The following VPS13A variants were observed in gnomAD, a reference collection of about 807,000 sequenced individuals.
The protein encoded by VPS13A is vacuolar protein sorting 13 homolog A.
In VPS13A, 264 loss-of-function variants were observed where a neutral mutation model predicts 390.9. That is an observed-to-expected ratio of 0.68 (90% CI 0.61 to 0.75). VPS13A has a LOEUF of 0.75. Ranked by LOEUF, VPS13A falls within the 30% of genes least tolerant of loss-of-function variation. VPS13A has a pLI of 0.00. For missense variants in VPS13A, 3,409 were observed against 3,733.9 expected (o/e 0.91, Z 2.27); for synonymous variants, 1,231 against 1,227.1 (o/e 1.00, Z -0.07).
chr9:77,212,662 G>T (rs2131151391), intron 7 of VPS13A, among the ~76,000 whole-genome samples: 1 of 152,236 alleles, frequency 6.6e-6, no homozygotes, highest in East Asian at 1.9e-4. Flanking sequence ...ATAGCTCCTA[G>T]AACATTCTTT....
chr9:77,415,273 G>C (rs1835127466), intron 71 of VPS13A, among the ~76,000 whole-genome samples: 1 of 152,124 alleles, frequency 6.6e-6, no homozygotes, highest in African/African-American at 2.4e-5. Context: ...TGCTTGGCCA[G>C]GAACATCCAG....
intron 46 of VPS13A, among the ~76,000 whole-genome samples, chr9:77,336,598 ATTCT>A (rs1830549068): frequency 6.6e-6 from 1 of 151,626 alleles, no homozygotes; most frequent in South Asian, 2.1e-4. Flanking sequence ...GAAAAGCCAA[ATTCT>A]TTCAGTTATA....
intron 61 of VPS13A, among the ~76,000 whole-genome samples, chr9:77,367,679 C>G (rs1043608651): frequency 6.6e-6 from 1 of 152,274 alleles, no homozygotes; most frequent in South Asian, 2.1e-4. Flanking sequence ...CCTGGCCATT[C>G]GTGAGCAACC....
rs772298567 is a variant in VPS13A at position 77,337,331 on chromosome 9, A to C, written c.6172A>C (p.Asn2058His). 2.5e-6 allele frequency: 4 copies of C among 1,612,972 alleles called. No individual in the cohort carries two copies. Among genetic ancestry groups the C allele is most frequent in the East Asian group, 2.2e-5 (1 of 44,758 alleles). Reference sequence around the variant, plus strand: ...AATTGACTTTGAAGAGATTATAAAAAATGATGGTGCTCTTCTAAAGAAGAA... The same window carrying C: ...AATTGACTTTGAAGAGATTATAAAACATGATGGTGCTCTTCTAAAGAAGAA... ...EGIDFEEIIK[N>H]DGALLKKKCR... is the part of the protein sequence containing the mutation. The change falls in exon 47 of 72, where the codon AAT becomes CAT. Residue 2058 changes from asparagine to histidine, a missense_variant. Asn to His is a moderately conservative substitution (Grantham distance 68). This residue lies in a region of VPS13A where 2,717 missense variants were observed against 2,917.4 expected (regional missense o/e 0.93). Coordinates refer to ENST00000360280, the MANE Select transcript of VPS13A (RefSeq NM_033305.3).
In VPS13A at chr9:77,177,713, C is replaced by T. The variant is rs1823718940; in HGVS notation, c.9C>T (p.Phe3=). The change falls in exon 1 of 72, where the codon TTC becomes TTT. Residue 3 remains phenylalanine, a synonymous_variant. Transcript: ENST00000360280. ...CACCACGGCTGAGGAACATGGTTTT[C>T]GAGTCGGTGGTCGTGGACGTGTTGA... MV[F]ESVVVDVLNR... is the part of the protein sequence containing the mutation. 22 of 1,613,312 alleles carry T rather than the reference C, an allele frequency of 1.4e-5. No homozygotes were observed. Among genetic ancestry groups the T allele is most frequent in the Non-Finnish European group, 1.8e-5 (21 of 1,179,614 alleles).
chr9:77,301,338 A>C (rs1433667402), intron 33 of VPS13A, among the ~76,000 whole-genome samples: 2 of 152,188 alleles, frequency 1.3e-5, no homozygotes, highest in African/African-American at 4.8e-5. Context: ...ATCCTAGCCT[A>C]ACTGAAAAAA....
At chr9:77,348,193 A>G (rs1831258128) in intron 52 of VPS13A, among the ~76,000 whole-genome samples, 1 of 152,192 alleles carries the variant, frequency 6.6e-6, no homozygotes, top group Non-Finnish European at 1.5e-5. Flanking sequence ...CCGCAGCACT[A>G]TTCACAATAG....
intron 22 of VPS13A, among the ~76,000 whole-genome samples, chr9:77,259,126 A>T (rs1170873919): frequency 6.6e-6 from 1 of 152,188 alleles, no homozygotes; most frequent in Non-Finnish European, 1.5e-5. Flanking sequence ...TGAGCAGTAT[A>T]AAGTGGATAT....
chr9:77,327,536 T>A (rs1019264103), intron 45 of VPS13A, among the ~76,000 whole-genome samples: 2 of 152,030 alleles, frequency 1.3e-5, no homozygotes, highest in Non-Finnish European at 2.9e-5. Flanking sequence ...TAAAGTAGAT[T>A]TTGGTAAGAT....
At chr9:77,376,261 C>T (rs371782307) in intron 67 of VPS13A, among the ~76,000 whole-genome samples, 8 of 152,010 alleles carry the variant, frequency 5.3e-5, no homozygotes, top group South Asian at 4.2e-4. Context: ...AGGGAACATG[C>T]GGGGAATCAC....
intron 68 of VPS13A, 132 bp downstream of exon 68, chr9:77,382,219 T>C: frequency 1.4e-6 from 2 of 1,381,062 alleles, no homozygotes; most frequent in South Asian, 1.6e-5. Flanking sequence ...AAGTTTCTTA[T>C]ATTTACTTAG....
intron 20 of VPS13A, among the ~76,000 whole-genome samples, chr9:77,248,792 C>T (rs917344692): frequency 3.9e-5 from 6 of 151,968 alleles, no homozygotes; most frequent in African/African-American, 7.3e-5. Context: ...AGTGCGGTGG[C>T]GTGATTTCAG....
chr9:77,386,267 G>C (rs1178408286), intron 68 of VPS13A, among the ~76,000 whole-genome samples: 3 of 152,094 alleles, frequency 2.0e-5, no homozygotes, highest in African/African-American at 7.2e-5. Context: ...AAAGAATACT[G>C]CCTATTTTTG....
chr9:77,206,565 T>C (rs992052400), intron 5 of VPS13A, among the ~76,000 whole-genome samples: 1 of 152,124 alleles, frequency 6.6e-6, no homozygotes, highest in African/African-American at 2.4e-5. Flanking sequence ...ACTTAGACAA[T>C]ATGTTCCATT....
intron 59 of VPS13A, among the ~76,000 whole-genome samples, chr9:77,363,296 T>C (rs1220794937): frequency 6.6e-6 from 1 of 152,008 alleles, no homozygotes; most frequent in African/African-American, 2.4e-5. Flanking sequence ...GTGTTTTTAA[T>C]CATGATTATA....
chr9:77,201,040 A>T (rs1234629023), intron 2 of VPS13A, among the ~76,000 whole-genome samples: 1 of 152,204 alleles, frequency 6.6e-6, no homozygotes, highest in East Asian at 1.9e-4. Flanking sequence ...CCCTAAAAGC[A>T]TAAAATGACA....
intron 67 of VPS13A, among the ~76,000 whole-genome samples, chr9:77,380,666 A>T (rs1833379172): frequency 6.6e-6 from 1 of 152,214 alleles, no homozygotes; most frequent in South Asian, 2.1e-4. Context: ...GCATGTGTAT[A>T]CATTATGTTA....
intron 1 of VPS13A, among the ~76,000 whole-genome samples, chr9:77,182,162 C>T (rs1273016627): frequency 3.3e-5 from 5 of 152,162 alleles, no homozygotes; most frequent in African/African-American, 9.7e-5. Context: ...GACGCGATCT[C>T]GGCTCACTGC....
intron 54 of VPS13A, among the ~76,000 whole-genome samples, chr9:77,355,507 T>C (rs1444381467): frequency 6.6e-6 from 1 of 152,226 alleles, no homozygotes; most frequent in African/African-American, 2.4e-5. Flanking sequence ...TGATTTCAAA[T>C]ACTGCCCAGA....
Sources: gnomAD v4.1 joint callset for allele counts (sites outside exome capture counted in the v4.1 genomes callset) on GRCh38, gnomAD v4.1.1 for gene constraint, gnomAD v4.1.1 regional missense constraint, MANE v1.5 for transcripts, NCBI Gene and HGNC (gene_info 2026-07-23, HGNC 2026-07-21) for gene names.